Variants in CNBD1 observed in about 807,000 individuals in gnomAD.
CNBD1 encodes cyclic nucleotide binding domain containing 1.
Under a neutral mutation model 54.4 loss-of-function variants are expected in CNBD1, and 71 were observed. The ratio of observed to expected loss-of-function variants is 1.30; its 90% confidence interval spans 1.08 to 1.59. The LOEUF (loss-of-function observed/expected upper bound fraction) is 1.59, where lower values mean the gene tolerates loss of function less well. Among genes scored for constraint, CNBD1 ranks in the 40% most tolerant of loss-of-function variants. The pLI is 0.00. For missense variants in CNBD1, 659 were observed against 518.0 expected, an observed-to-expected ratio of 1.27 and a Z score of -2.64; for synonymous variants, 182 against 170.7, an observed-to-expected ratio of 1.07 and a Z score of -0.51.
chr8:87,304,760 C>T (rs1052087394), intron 8 of CNBD1, among the ~76,000 whole-genome samples: 2 of 152,158 alleles, frequency 1.3e-5, no homozygotes, highest in Middle Eastern at 3.4e-3. Flanking sequence ...AGGGACATAT[C>T]TTAATGTAAT....
chr8:86,952,467 A>G (rs1436092794), intron 4 of CNBD1, among the ~76,000 whole-genome samples: 1 of 152,058 alleles, frequency 6.6e-6, no homozygotes, highest in Non-Finnish European at 1.5e-5. Flanking sequence ...CCATTTATGG[A>G]ATGGAGAATA....
At chr8:87,324,215 T>C (rs1489230552) in intron 8 of CNBD1, among the ~76,000 whole-genome samples, 7 of 129,960 alleles carry the variant, frequency 5.4e-5, no homozygotes, top group Non-Finnish European at 1.0e-4. Context: ...CAGTATTTTA[T>C]TGAGGATTTT....
At chr8:87,421,647 G>A (rs1201879168) in intron 2 of CNBD1, among the ~76,000 whole-genome samples, 5 of 151,624 alleles carry the variant, frequency 3.3e-5, no homozygotes, top group Non-Finnish European at 1.5e-5. Context: ...GTGTATATGT[G>A]CCACATTTTC....
chr8:87,032,939 G>A (rs1396429375), intron 4 of CNBD1, among the ~76,000 whole-genome samples: 14 of 151,980 alleles, frequency 9.2e-5, no homozygotes, highest in Admixed American at 7.9e-4. Context: ...CTTGATTTTC[G>A]TCAAGATTCA....
chr8:87,332,461 A>G (rs866284598), intron 8 of CNBD1, among the ~76,000 whole-genome samples: 2 of 151,926 alleles, frequency 1.3e-5, no homozygotes, highest in Admixed American at 1.3e-4. Flanking sequence ...ACCCATGCCT[A>G]TTTCCTGAAT....
chr8:87,178,620 C>G (rs1298265537), intron 4 of CNBD1, among the ~76,000 whole-genome samples: 1 of 152,146 alleles, frequency 6.6e-6, no homozygotes, highest in Non-Finnish European at 1.5e-5. Context: ...ACTTCCATTG[C>G]CTGGCATAGT....
chr8:87,372,849 C>G (rs7824912), intron 10 of CNBD1, among the ~76,000 whole-genome samples: 4 of 151,548 alleles, frequency 2.6e-5, no homozygotes, highest in Non-Finnish European at 5.9e-5. Flanking sequence ...ATGGTATAAG[C>G]CATGGTATTT....
At chr8:87,012,260 A>T (rs1042903644) in intron 4 of CNBD1, among the ~76,000 whole-genome samples, 3 of 152,116 alleles carry the variant, frequency 2.0e-5, no homozygotes, top group Non-Finnish European at 4.4e-5. Context: ...GTTGTTGATT[A>T]TTGTGGGAGC....
At chr8:87,223,811 C>T (rs1293597649) in intron 5 of CNBD1, among the ~76,000 whole-genome samples, 3 of 152,022 alleles carry the variant, frequency 2.0e-5, no homozygotes, top group Non-Finnish European at 2.9e-5. Flanking sequence ...CCTGAGGAAT[C>T]GCCACACTGA....
intron 2 of CNBD1, among the ~76,000 whole-genome samples, chr8:87,427,096 A>C (rs531227849): frequency 6.6e-6 from 1 of 152,248 alleles, no homozygotes; most frequent in Non-Finnish European, 1.5e-5. Flanking sequence ...CAGCAGCATG[A>C]CAAGGACCTC....
At chr8:87,339,728 C>T (rs190816301) in intron 8 of CNBD1, among the ~76,000 whole-genome samples, 89 of 152,020 alleles carry the variant, frequency 5.9e-4, no homozygotes, top group Middle Eastern at 3.4e-3. Context: ...CATAAAACAC[C>T]TTATAGTTAT....
At chr8:87,296,353 G>C in intron 8 of CNBD1, among the ~76,000 whole-genome samples, 1 of 152,054 alleles carries the variant, frequency 6.6e-6, no homozygotes, top group East Asian at 1.9e-4. Flanking sequence ...AACAAAGATA[G>C]AGCCCAAAAT....
At chr8:87,156,427 A>T (rs1332928518) in intron 4 of CNBD1, among the ~76,000 whole-genome samples, 1 of 150,292 alleles carries the variant, frequency 6.7e-6, no homozygotes, top group Non-Finnish European at 1.5e-5. Context: ...TTTATTTTTA[A>T]TAGAAGCGGA....
chr8:87,349,419 A>G (rs975303599), intron 8 of CNBD1, among the ~76,000 whole-genome samples: 8 of 152,194 alleles, frequency 5.3e-5, no homozygotes, highest in African/African-American at 1.9e-4. Context: ...TCTGTCGCTC[A>G]GGTGGGAGTG....
intron 4 of CNBD1, among the ~76,000 whole-genome samples, chr8:87,171,581 A>C (rs1224119112): frequency 6.6e-6 from 1 of 150,758 alleles, no homozygotes; most frequent in African/African-American, 2.4e-5. Context: ...TTGCTTTTCT[A>C]GTTCTTTAAG....
intron 10 of CNBD1, among the ~76,000 whole-genome samples, chr8:87,374,231 A>T (rs6981957): frequency 1.3e-5 from 2 of 151,524 alleles, no homozygotes; most frequent in Non-Finnish European, 3.0e-5. Context: ...CGTGCACTTC[A>T]TCTGTCTTTT....
chr8:87,365,024 G>C (rs1810613850), intron 10 of CNBD1, among the ~76,000 whole-genome samples: 1 of 152,024 alleles, frequency 6.6e-6, no homozygotes, highest in African/African-American at 2.4e-5. Context: ...GAGATTGCTG[G>C]ATCAAATGGT....
At chr8:87,099,481 A>G (rs1051366077) in intron 4 of CNBD1, among the ~76,000 whole-genome samples, 14 of 152,176 alleles carry the variant, frequency 9.2e-5, no homozygotes, top group African/African-American at 2.9e-4. Context: ...AATCAATTAG[A>G]GGGCCGTCGT....
intron 2 of CNBD1, among the ~76,000 whole-genome samples, chr8:87,401,901 G>A (rs879159774): frequency 1.3e-5 from 2 of 151,954 alleles, no homozygotes; most frequent in Admixed American, 1.3e-4. Flanking sequence ...TCTTCCTTGT[G>A]CACAATTGGC....
Sources: gnomAD v4.1 joint callset for allele counts (sites outside exome capture counted in the v4.1 genomes callset) on GRCh38, gnomAD v4.1.1 for gene constraint, MANE v1.5 for transcripts, NCBI Gene and HGNC (gene_info 2026-07-23, HGNC 2026-07-21) for gene names.